DLGAP2: variants seen among roughly 807,000 people sequenced by gnomAD.
DLGAP2 encodes the protein disks large-associated protein 2.
In DLGAP2, 26 loss-of-function variants were observed where a neutral mutation model predicts 100.3. That is an observed-to-expected ratio of 0.26 (90% CI 0.19 to 0.36). The LOEUF (loss-of-function observed/expected upper bound fraction) is 0.36. DLGAP2 is among the 10% of genes least tolerant of loss of function. The probability of loss-of-function intolerance (pLI) is 1.00; values close to 1 mark genes in which losing one functional copy is unlikely to be tolerated. For missense variants in DLGAP2, 1,858 were observed against 1,453.2 expected (o/e 1.28, Z -4.53); for synonymous variants, 886 against 630.1 (o/e 1.41, Z -6.08).
chr8:1,187,260 A>C (rs1281360880), intron 2 of DLGAP2, among the ~76,000 whole-genome samples: 57 of 127,814 alleles, frequency 4.5e-4, no homozygotes, highest in African/African-American at 7.7e-4. Context: ...TCTCACACAC[A>C]CGGGACCTCT....
chr8:1,440,477 G>C (rs138600500), intron 3 of DLGAP2, among the ~76,000 whole-genome samples: 2 of 152,304 alleles, frequency 1.3e-5, no homozygotes, highest in East Asian at 3.9e-4. Context: ...AGAAACACTA[G>C]AAGCTCTTGA....
intron 2 of DLGAP2, among the ~76,000 whole-genome samples, chr8:921,802 G>T (rs1798721642): frequency 6.6e-6 from 1 of 152,236 alleles, no homozygotes; most frequent in Non-Finnish European, 1.5e-5. Flanking sequence ...TTCTGCTCTT[G>T]GTCTTGGCCA....
intron 1 of DLGAP2, among the ~76,000 whole-genome samples, chr8:892,123 T>C (rs375607398): frequency 6.6e-6 from 1 of 152,170 alleles, no homozygotes; most frequent in African/African-American, 2.4e-5. Context: ...ATGGGGCAGA[T>C]GCTGTGGAAA....
chr8:890,936 G>T (rs936834516), intron 1 of DLGAP2, among the ~76,000 whole-genome samples: 1 of 152,136 alleles, frequency 6.6e-6, no homozygotes, highest in Non-Finnish European at 1.5e-5. Context: ...CCACCCGGCT[G>T]TGCCCCTTAC....
chr8:1,230,928 A>T (rs983615997), intron 2 of DLGAP2, among the ~76,000 whole-genome samples: 4 of 152,216 alleles, frequency 2.6e-5, no homozygotes, highest in African/African-American at 9.6e-5. Context: ...AGGAAACACC[A>T]TTCTGGACAT....
intron 14 of DLGAP2, 132 bp from the exon 15 acceptor site, chr8:1,701,056 A>G: frequency 1.3e-6 from 1 of 764,502 alleles, no homozygotes; most frequent in Non-Finnish European, 2.1e-6. Context: ...CAGACGGGGG[A>G]CGGGAGTGAA....
chr8:1,004,158 C>G (rs887217489), intron 2 of DLGAP2, among the ~76,000 whole-genome samples: 1 of 151,924 alleles, frequency 6.6e-6, no homozygotes, highest in African/African-American at 2.4e-5. Flanking sequence ...ATTAAAATTC[C>G]CCTAGAATTG....
intron 6 of DLGAP2, among the ~76,000 whole-genome samples, chr8:1,612,395 A>G (rs1343759010): frequency 9.9e-6 from 1 of 101,350 alleles, no homozygotes; most frequent in Non-Finnish European, 2.0e-5. Context: ...TCAATTCAAG[A>G]TGGATTAAAG....
In DLGAP2 at chr8:1,078,963, T is replaced by G. The variant is rs548115787; in HGVS notation, c.73+170997T>G. Among the ~76,000 whole-genome samples, 6 of 152,346 alleles carry G rather than the reference T, an allele frequency of 3.9e-5. No homozygotes were observed. The South Asian group carries it at 1.2e-3, about 32-fold the overall frequency. On this transcript the variant is annotated intron_variant, in intron 2 of 14. Transcript: ENST00000637795. ...TTGTCTAGTAGAAGTATGTTTAGTT[T>G]TATAAGAAACTGCCAAATGGTTCTC...
At chr8:1,154,135 A>G (rs1228895281) in intron 2 of DLGAP2, among the ~76,000 whole-genome samples, 1 of 152,180 alleles carries the variant, frequency 6.6e-6, no homozygotes, top group Non-Finnish European at 1.5e-5. Context: ...ATCAAACCAG[A>G]TGGCTTCATG....
chr8:1,286,043 C>G (rs1432672876), intron 3 of DLGAP2, among the ~76,000 whole-genome samples: 1 of 152,144 alleles, frequency 6.6e-6, no homozygotes, highest in South Asian at 2.1e-4. Context: ...GGATCTGTGA[C>G]TGCACCGAAA....
intron 3 of DLGAP2, among the ~76,000 whole-genome samples, chr8:1,302,802 C>A (rs1302741598): frequency 2.6e-5 from 4 of 152,270 alleles, no homozygotes; most frequent in Non-Finnish European, 5.9e-5. Flanking sequence ...CTTGGCTCTT[C>A]CCCTCGCCCC....
chr8:1,175,634 G>T (rs1267239048), intron 2 of DLGAP2, among the ~76,000 whole-genome samples: 2 of 152,142 alleles, frequency 1.3e-5, no homozygotes, highest in Non-Finnish European at 2.9e-5. Flanking sequence ...GAGGGTGTTG[G>T]AATAAATACA....
chr8:1,535,596 T>A (rs1306057339), intron 4 of DLGAP2, among the ~76,000 whole-genome samples: 2 of 152,232 alleles, frequency 1.3e-5, no homozygotes, highest in African/African-American at 2.4e-5. Flanking sequence ...GTGTGATGGA[T>A]TTGGTTTTAC....
intron 2 of DLGAP2, among the ~76,000 whole-genome samples, chr8:1,183,343 A>T (rs1350912303): frequency 6.6e-6 from 1 of 152,186 alleles, no homozygotes; most frequent in African/African-American, 2.4e-5. Flanking sequence ...TAATTAGCCT[A>T]GCAATTATTT....
At chr8:1,056,666 A>C (rs1272923339) in intron 2 of DLGAP2, among the ~76,000 whole-genome samples, 1 of 152,240 alleles carries the variant, frequency 6.6e-6, no homozygotes, top group Non-Finnish European at 1.5e-5. Flanking sequence ...ATGCGTTAGC[A>C]CTGTGCTGCT....
chr8:834,489 GC>G (rs1345142018), intron 1 of DLGAP2, among the ~76,000 whole-genome samples: 1 of 152,226 alleles, frequency 6.6e-6, no homozygotes, highest in African/African-American at 2.4e-5. Flanking sequence ...CAGAATTAGT[GC>G]TATTCAGCTT....
At chr8:954,369 G>A (rs1799549719) in intron 2 of DLGAP2, among the ~76,000 whole-genome samples, 4 of 152,256 alleles carry the variant, frequency 2.6e-5, no homozygotes, top group African/African-American at 9.6e-5. Context: ...CCTCCCTTCA[G>A]CCCCTAGGAG....
In DLGAP2 at chr8:1,050,977, G is replaced by GGGGTCATTTTGTGCT. The variant is rs55750684; in HGVS notation, c.73+143020_73+143021insTGTGCTGGGTCATTT. The stretch of plus-strand genomic sequence containing the variant: ...TTGTGGTGGGGTCATTTCGTGGGTG[G>GGGGTCATTTTGTGCT]GGGTCATTTCGTGGGTGGGAGTCAT... On this transcript the variant is annotated intron_variant, in intron 2 of 14. Coordinates refer to ENST00000637795, the MANE Select transcript of DLGAP2 (RefSeq NM_001346810.2). Among the ~76,000 whole-genome samples, 13 of 110,766 alleles carry GGGGTCATTTTGTGCT rather than the reference G, an allele frequency of 1.2e-4. 1 individual carries two copies. The highest frequency in any genetic ancestry group is 6.9e-4 in the South Asian group (2 of 2,918). The allele number at this position is 110,766 out of a possible 152,430, so 72.7% of individuals were successfully genotyped here. A position where few individuals can be genotyped will look rare whatever the true frequency, so the allele number is the denominator to read the frequency against.
Sources: allele counts gnomAD v4.1 joint callset (sites outside exome capture counted in the v4.1 genomes callset), GRCh38; gene constraint gnomAD v4.1.1; transcripts MANE v1.5; gene names NCBI Gene and HGNC (gene_info 2026-07-23, HGNC 2026-07-21).